NEK3: variants seen among roughly 807,000 people sequenced by gnomAD.
NEK3 encodes serine/threonine-protein kinase Nek3.
Under a neutral mutation model 66.0 loss-of-function variants are expected in NEK3, and 54 were observed. That is an observed-to-expected ratio of 0.82 (90% CI 0.66 to 1.03). The LOEUF is 1.03. NEK3 is among the 50% of genes least tolerant of loss of function. NEK3 has a pLI of 0.00. For missense variants in NEK3, 593 were observed against 603.0 expected (o/e 0.98, Z 0.17); for synonymous variants, 200 against 206.2 (o/e 0.97, Z 0.26).
intron 1 of NEK3, chr13:52,157,454 CT>C (rs1684791456): frequency 6.6e-6 from 1 of 152,226 alleles, no homozygotes; most frequent in South Asian, 2.1e-4. Context: ...CAGATGGTTT[CT>C]TGGCACTCCC....
intron 8 of NEK3, among the ~76,000 whole-genome samples, chr13:52,147,524 G>GA (rs1956304452): frequency 6.6e-6 from 1 of 152,198 alleles, no homozygotes; most frequent in Admixed American, 6.5e-5. Context: ...ACACAAAAGG[G>GA]CAAAAGTTCT....
chr13:52,149,511 A>C (rs924292926), intron 7 of NEK3, among the ~76,000 whole-genome samples: 3 of 152,122 alleles, frequency 2.0e-5, no homozygotes, highest in African/African-American at 7.2e-5. Flanking sequence ...TAGGTCCCCC[A>C]ATCATTCTCA....
chr13:52,157,110 A>T (rs1230715414), intron 1 of NEK3: 1 of 152,230 alleles, frequency 6.6e-6, no homozygotes, highest in Non-Finnish European at 1.5e-5. Context: ...CAGTTCAAGA[A>T]ATTGAAAGAA....
At chr13:52,134,233 C>T (rs1270160243) in intron 14 of NEK3, among the ~76,000 whole-genome samples, 2 of 152,054 alleles carry the variant, frequency 1.3e-5, no homozygotes, top group Admixed American at 6.5e-5. Context: ...CTATGTTGTT[C>T]AGGCTTGTCT....
intron 10 of NEK3, among the ~76,000 whole-genome samples, chr13:52,142,884 T>G (rs1175903085): frequency 6.6e-6 from 1 of 152,206 alleles, no homozygotes; most frequent in Non-Finnish European, 1.5e-5. Context: ...AAAATAGCTT[T>G]GAAAAAATTC....
At chr13:52,159,472 C>G in intron 1 of NEK3, 71 bp downstream of exon 1, 1 of 152,558 alleles carries the variant, frequency 6.6e-6, no homozygotes, top group Non-Finnish European at 1.5e-5. Context: ...CGCTCCCACT[C>G]GGCTCCGCGC....
intron 13 of NEK3, 41 bp from the exon 14 acceptor site, chr13:52,135,904 G>C (rs1566849395): frequency 6.3e-7 from 1 of 1,591,728 alleles, no homozygotes; most frequent in Non-Finnish European, 8.6e-7. Context: ...AATAAAAAAA[G>C]ATTTTTCAGC....
Position 52,136,116 on chromosome 13 carries a change from C to G in NEK3, c.1174G>C (p.Gly392Arg). The change falls in exon 13 of 16, where the codon GGT (glycine) becomes CGT (arginine). Residue 392 changes from glycine to arginine, a missense_variant and splice_region_variant. Transcript: ENST00000610828. ...TSSLTAEDDR[G>R]GSVIKYSKNT... is the part of the protein sequence containing the mutation. ...AATAGTATTCAATCTGACTACTAAC[C>G]TCTATCGTCCTCTGCTGTTAAACTG... 1 of 1,613,630 alleles carries G rather than the reference C, an allele frequency of 6.2e-7. No individual in the cohort carries two copies. The highest frequency in any genetic ancestry group is 8.5e-7 in the Non-Finnish European group (1 of 1,179,670).
chr13:52,135,832 A>G lies in NEK3; in HGVS notation c.1206T>C (p.Thr402=). 6.2e-7 allele frequency: 1 copy of G among 1,613,584 alleles called. No individual in the cohort carries two copies. The highest frequency in any genetic ancestry group is 8.5e-7 in the Non-Finnish European group (1 of 1,179,680). The change falls in exon 14 of 16, where the codon ACT becomes ACC. Residue 402 remains threonine, a synonymous_variant. Coordinates refer to ENST00000610828, the MANE Select transcript of NEK3 (RefSeq NM_002498.3). ...GGSVIKYSKN[T]TRKQWLKETP... is the part of the protein sequence containing the mutation. Reference sequence around the variant, plus strand: ...TCTCTTTGAGCCACTGCTTACGAGTAGTATTTTTGCTGTACTTTATTACAG... The same window carrying G: ...TCTCTTTGAGCCACTGCTTACGAGTGGTATTTTTGCTGTACTTTATTACAG...
Position 52,132,977 on chromosome 13 carries a change from T to A in NEK3, c.*165A>T. The stretch of plus-strand genomic sequence containing the variant: ...AAAACTTACAGGAGTTCTAGACTTT[T>A]CAAACTCACGATACTAATCAAGAAC... On this transcript the variant is annotated 3_prime_UTR_variant, in exon 16 of 16. Coordinates refer to ENST00000610828, the MANE Select transcript of NEK3 (RefSeq NM_002498.3). The A allele has an allele frequency of 1.6e-6, 1 of 616,438 alleles. No homozygotes were observed. Among genetic ancestry groups the A allele is most frequent in the Non-Finnish European group, 2.8e-6 (1 of 352,572 alleles). The allele number at this position is 616,438 out of a possible 1,614,324, so 38.2% of individuals were successfully genotyped here. A position where few individuals can be genotyped will look rare whatever the true frequency, so the allele number is the denominator to read the frequency against.
intron 11 of NEK3, among the ~76,000 whole-genome samples, chr13:52,138,705 G>A (rs1956224579): frequency 6.6e-6 from 1 of 152,146 alleles, no homozygotes; most frequent in Admixed American, 6.5e-5. Context: ...CAAGGTGGGA[G>A]GATCACTTAA....
Position 52,144,758 on chromosome 13 carries a change from G to A in NEK3, c.737C>T (p.Pro246Leu). The A allele has an allele frequency of 6.2e-7, 1 of 1,613,860 alleles. No individual in the cohort carries two copies. The highest frequency in any genetic ancestry group is 1.3e-5 in the African/African-American group (1 of 75,018). Reference sequence around the variant, plus strand: ...TCGAGAGAGAAGCGTTGTAGCCGAGGGGCGATGTGAGGGATTCCTTTTAAA... The same window carrying A: ...TCGAGAGAGAAGCGTTGTAGCCGAGAGGCGATGTGAGGGATTCCTTTTAAA... Reference protein sequence around the residue: ...QMFKRNPSHRPSATTLLSRGI... With the variant: ...QMFKRNPSHRLSATTLLSRGI... The change falls in exon 9 of 16, where the codon CCC becomes CTC. Residue 246 changes from proline (P) to leucine (L), a missense_variant. Pro to Leu is a moderately conservative substitution (Grantham distance 98). Coordinates refer to ENST00000610828, the MANE Select transcript of NEK3 (RefSeq NM_002498.3).
At chr13:52,148,281 T>C in intron 8 of NEK3, 134 bp downstream of exon 8, 1 of 753,590 alleles carries the variant, frequency 1.3e-6, no homozygotes, top group South Asian at 1.9e-5. Context: ...GGCAGATGAC[T>C]GCACTGGAAA....
At chr13:52,151,472 G>A (rs1055730184) in intron 5 of NEK3, 80 bp from the exon 6 acceptor site, 8 of 1,244,850 alleles carry the variant, frequency 6.4e-6, no homozygotes, top group Middle Eastern at 4.2e-4. Flanking sequence ...AAAGCCTGCT[G>A]ATGATGGAGA....
intron 11 of NEK3, among the ~76,000 whole-genome samples, chr13:52,140,591 G>C (rs1461770229): frequency 6.6e-6 from 1 of 151,974 alleles, no homozygotes; most frequent in East Asian, 1.9e-4. Flanking sequence ...CTGGGTGACA[G>C]AGCAAGACTC....
chr13:52,136,044 G>C lies in NEK3; in HGVS notation c.1174+72C>G, dbSNP rs1470073761. On this transcript the variant is annotated intron_variant, in intron 13 of 15. Transcript: ENST00000610828. ...AAATACCCTTCACAGACATTAAAAG[G>C]CTCTAAGTGCACTAAGTAACTATTA... 15 of 1,568,914 alleles carry C rather than the reference G, an allele frequency of 9.6e-6. No individual in the cohort carries two copies. In the African/African-American group the frequency reaches 1.9e-4, roughly 20 times the overall value.
chr13:52,146,536 C>T (rs1416735085), intron 8 of NEK3, among the ~76,000 whole-genome samples: 1 of 152,112 alleles, frequency 6.6e-6, no homozygotes, highest in Non-Finnish European at 1.5e-5. Flanking sequence ...AGAACGTATA[C>T]ATGTAAATTA....
At chr13:52,150,178 T>A (rs1460266080) in intron 7 of NEK3, among the ~76,000 whole-genome samples, 1 of 152,170 alleles carries the variant, frequency 6.6e-6, no homozygotes, top group African/African-American at 2.4e-5. Flanking sequence ...AACAACAGCC[T>A]TTAGGTGTTT....
intron 8 of NEK3, 60 bp downstream of exon 8, chr13:52,148,355 A>T: frequency 6.6e-7 from 1 of 1,506,548 alleles, no homozygotes; most frequent in Non-Finnish European, 9.2e-7. Flanking sequence ...AATCTGTCAC[A>T]TTATTAGGGC....
Sources: allele counts gnomAD v4.1 joint callset (sites outside exome capture counted in the v4.1 genomes callset), GRCh38; gene constraint gnomAD v4.1.1; transcripts MANE v1.5; gene names NCBI Gene and HGNC (gene_info 2026-07-23, HGNC 2026-07-21).